The following ODAD2 variants were observed in gnomAD, a reference collection of about 807,000 sequenced individuals.
The protein encoded by ODAD2 is outer dynein arm docking complex subunit 2, also known as outer dynein arm-docking complex subunit 2.
A neutral mutation model predicts 106.8 loss-of-function variants in ODAD2; 89 were observed. The ratio of observed to expected loss-of-function variants is 0.83; its 90% CI spans 0.70 to 0.99. The LOEUF is 0.99. ODAD2 is among the 50% of genes least tolerant of loss of function. ODAD2 has a pLI of 0.00. For synonymous variants in ODAD2, 404 were observed against 436.2 expected (o/e 0.93, Z 0.92); for missense variants, 1,168 against 1,238.5 (o/e 0.94, Z 0.85).
At chr10:27,815,047 C>T (rs1227757428) in intron 19 of ODAD2, among the ~76,000 whole-genome samples, 1 of 152,174 alleles carries the variant, frequency 6.6e-6, no homozygotes, top group Non-Finnish European at 1.5e-5. Context: ...CAGAAGATGA[C>T]CAATAAGGTC....
intron 19 of ODAD2, among the ~76,000 whole-genome samples, chr10:27,824,712 T>A (rs549306235): frequency 1.8e-4 from 28 of 152,320 alleles, no homozygotes; most frequent in African/African-American, 6.5e-4. Flanking sequence ...GCCCTCTTGA[T>A]ATAAACTCTG....
chr10:27,904,614 G>C (rs1843452782), intron 17 of ODAD2, among the ~76,000 whole-genome samples: 1 of 152,190 alleles, frequency 6.6e-6, no homozygotes, highest in African/African-American at 2.4e-5. Flanking sequence ...CCATTGGTCT[G>C]TCTGCCTGTT....
At chr10:27,861,635 C>A (rs1002406149) in intron 18 of ODAD2, among the ~76,000 whole-genome samples, 1 of 152,210 alleles carries the variant, frequency 6.6e-6, no homozygotes, top group Non-Finnish European at 1.5e-5. Context: ...GAAGAGAGTG[C>A]AGCAAATCCG....
At chr10:27,814,908 C>A (rs569503650) in intron 19 of ODAD2, among the ~76,000 whole-genome samples, 1 of 152,242 alleles carries the variant, frequency 6.6e-6, no homozygotes, top group African/African-American at 2.4e-5. Context: ...TCAACCTCAA[C>A]TGGATTCTCA....
At chr10:27,848,633 T>C (rs186632333) in intron 19 of ODAD2, among the ~76,000 whole-genome samples, 39 of 152,280 alleles carry the variant, frequency 2.6e-4, no homozygotes, top group African/African-American at 8.4e-4. Flanking sequence ...ACCTACAGAA[T>C]GGGAGAAAAT....
intron 17 of ODAD2, among the ~76,000 whole-genome samples, chr10:27,885,044 C>CT (rs1841981767): frequency 6.6e-6 from 1 of 151,846 alleles, no homozygotes; most frequent in African/African-American, 2.4e-5. Context: ...GAAAGCATGG[C>CT]TTATGTAAGG....
chr10:27,982,385 T>C (rs754183341), intron 6 of ODAD2, among the ~76,000 whole-genome samples: 11 of 152,194 alleles, frequency 7.2e-5, no homozygotes, highest in African/African-American at 1.2e-4. Context: ...ATAAGTTATA[T>C]GTATGTAGAT....
At chr10:27,967,641 A>G (rs1478898792) in intron 9 of ODAD2, among the ~76,000 whole-genome samples, 3 of 152,092 alleles carry the variant, frequency 2.0e-5, no homozygotes, top group South Asian at 2.1e-4. Flanking sequence ...CTGTAATCCC[A>G]GCACTTTGGG....
intron 10 of ODAD2, among the ~76,000 whole-genome samples, chr10:27,950,546 G>T (rs1294649651): frequency 6.6e-6 from 1 of 152,152 alleles, no homozygotes; most frequent in African/African-American, 2.4e-5. Context: ...TCAGGAATGG[G>T]TAAGGACAAT....
chr10:27,914,911 T>C (rs547226445), intron 16 of ODAD2, among the ~76,000 whole-genome samples: 32 of 152,096 alleles, frequency 2.1e-4, no homozygotes, highest in African/African-American at 7.2e-4. Context: ...CCTTTTCTCT[T>C]TGAAGAAGAA....
intron 17 of ODAD2, among the ~76,000 whole-genome samples, chr10:27,872,466 CA>C (rs1212394825): frequency 2.0e-5 from 3 of 150,698 alleles, no homozygotes; most frequent in African/African-American, 7.5e-5. Context: ...AGTTTTTGCC[CA>C]TTCAGGATGA....
chr10:27,849,413 G>A (rs183795587), intron 19 of ODAD2, among the ~76,000 whole-genome samples: 77 of 151,416 alleles, frequency 5.1e-4, no homozygotes, highest in Admixed American at 2.2e-3. Flanking sequence ...GGGGTGGGAG[G>A]AGGGGGAGGG....
At chr10:27,977,557 G>T (rs1467453622) in intron 7 of ODAD2, among the ~76,000 whole-genome samples, 1 of 151,716 alleles carries the variant, frequency 6.6e-6, no homozygotes, top group African/African-American at 2.4e-5. Flanking sequence ...AGTGACAGAG[G>T]GAGACTCTGT....
In ODAD2 at chr10:27,944,874, T is replaced by A; in HGVS notation, c.1475A>T (p.Asp492Val). The change falls in exon 11 of 20, where the codon GAT becomes GTT. Residue 492 changes from aspartate to valine, a missense_variant. Coordinates refer to ENST00000305242, the MANE Select transcript of ODAD2 (RefSeq NM_018076.5). ...AQETCQLAIR[D>V]VGGLEVLINL... ...TATCAGCACTTCCAGGCCTCCAACATCTCTGATGGCCAACTGGCAGGTTTC... is the reference window on the plus strand; with the variant it reads ...TATCAGCACTTCCAGGCCTCCAACAACTCTGATGGCCAACTGGCAGGTTTC... The A allele has an allele frequency of 6.2e-7, 1 of 1,614,118 alleles. No homozygotes were observed. Among genetic ancestry groups the A allele is most frequent in the Non-Finnish European group, 8.5e-7 (1 of 1,179,996 alleles).
chr10:27,825,350 T>G, intron 19 of ODAD2, among the ~76,000 whole-genome samples: 1 of 152,174 alleles, frequency 6.6e-6, no homozygotes, highest in Non-Finnish European at 1.5e-5. Context: ...ATGCTCAGAT[T>G]CAGAATGTAA....
Position 27,862,570 on chromosome 10 carries a change from T to A in ODAD2, c.2663A>T (p.Asn888Ile). 6.2e-7 allele frequency: 1 copy of A among 1,611,892 alleles called. No homozygotes were observed. Among genetic ancestry groups the A allele is most frequent in the Non-Finnish European group, 8.5e-7 (1 of 1,179,114 alleles). The change falls in exon 18 of 20, where the codon AAT (asparagine) becomes ATT (isoleucine). Residue 888 changes from asparagine to isoleucine, a missense_variant. Coordinates refer to ENST00000305242, the MANE Select transcript of ODAD2 (RefSeq NM_018076.5). ...SFVGGLELIV[N>I]LLKSDNKEVL... is the part of the protein sequence containing the mutation. ...TTCTTTGTTATCTGATTTCAGTAAA[T>A]TGACAATAAGTTCCAAACCACCAAC...
At chr10:27,864,969 T>G (rs1367931749) in intron 17 of ODAD2, among the ~76,000 whole-genome samples, 3 of 152,162 alleles carry the variant, frequency 2.0e-5, no homozygotes, top group Non-Finnish European at 4.4e-5. Flanking sequence ...ATTGTATCCC[T>G]CATGAAGGTA....
chr10:27,891,197 G>T (rs1842539039), intron 17 of ODAD2, among the ~76,000 whole-genome samples: 1 of 152,064 alleles, frequency 6.6e-6, no homozygotes, highest in Non-Finnish European at 1.5e-5. Flanking sequence ...CTGTGGTCAG[G>T]AAACTGGCCT....
chr10:27,959,303 A>T (rs1847955292), intron 10 of ODAD2, among the ~76,000 whole-genome samples: 1 of 151,624 alleles, frequency 6.6e-6, no homozygotes, highest in South Asian at 2.1e-4. Context: ...AAGGCAGGCT[A>T]AGCCCCAATG....
Sources: allele counts gnomAD v4.1 joint callset (sites outside exome capture counted in the v4.1 genomes callset), GRCh38; gene constraint gnomAD v4.1.1; transcripts MANE v1.5; gene names NCBI Gene and HGNC (gene_info 2026-07-23, HGNC 2026-07-21).